Variants in PXYLP1 observed in about 807,000 individuals in gnomAD.
The protein encoded by PXYLP1 is 2-phosphoxylose phosphatase 1.
PXYLP1 carries 17 observed loss-of-function variants against 37.9 expected under a neutral mutation model. The ratio of observed to expected loss-of-function variants is 0.45; its 90% confidence interval spans 0.31 to 0.67. The LOEUF (loss-of-function observed/expected upper bound fraction) is 0.67. PXYLP1 is among the 30% of genes least tolerant of loss of function. The pLI, the probability that PXYLP1 is intolerant of heterozygous loss-of-function variation, is 0.07. For missense variants in PXYLP1, 511 were observed against 612.0 expected, an observed-to-expected ratio of 0.84 and a Z score of 1.74; for synonymous variants, 221 against 232.2, an observed-to-expected ratio of 0.95 and a Z score of 0.44.
chr3:141,234,296 G>A (rs1940607493), intron 1 of PXYLP1: 1 of 152,186 alleles, frequency 6.6e-6, no homozygotes, highest in South Asian at 2.1e-4. Context: ...AAGAAAATCA[G>A]TTGTCTTCAT....
chr3:141,291,117 C>G (rs777106089), intron 5 of PXYLP1, among the ~76,000 whole-genome samples: 1 of 152,164 alleles, frequency 6.6e-6, no homozygotes, highest in Non-Finnish European at 1.5e-5. Flanking sequence ...GTTCCCTTTC[C>G]CAGGGGAACA....
At chr3:141,280,858 G>A (rs948037806) in intron 4 of PXYLP1, among the ~76,000 whole-genome samples, 1 of 152,240 alleles carries the variant, frequency 6.6e-6, no homozygotes, top group Non-Finnish European at 1.5e-5. Flanking sequence ...CAGGCAGGGT[G>A]CAGTGAGCTG....
chr3:141,258,111 A>C (rs1022430258), intron 1 of PXYLP1, among the ~76,000 whole-genome samples: 2 of 152,058 alleles, frequency 1.3e-5, no homozygotes, highest in African/African-American at 4.8e-5. Context: ...CGCCTCCCAC[A>C]TGCAAACGCA....
At chr3:141,290,703 A>G (rs987962698) in intron 5 of PXYLP1, among the ~76,000 whole-genome samples, 1 of 152,242 alleles carries the variant, frequency 6.6e-6, no homozygotes, top group South Asian at 2.1e-4. Context: ...GTCTAAGAGC[A>G]TAAAATTAGG....
intron 1 of PXYLP1, among the ~76,000 whole-genome samples, chr3:141,257,759 G>A (rs1057330166): frequency 1.3e-5 from 2 of 151,936 alleles, no homozygotes; most frequent in African/African-American, 2.4e-5. Flanking sequence ...AAAATTAGTC[G>A]GGTGTGTGGT....
At chr3:141,285,282 G>A (rs1256330464) in intron 4 of PXYLP1, among the ~76,000 whole-genome samples, 1 of 151,206 alleles carries the variant, frequency 6.6e-6, no homozygotes, top group Non-Finnish European at 1.5e-5. Flanking sequence ...GAGTGGCTGA[G>A]ACTATAGGCC....
At chr3:141,275,796 TA>T (rs72152069) in intron 2 of PXYLP1, among the ~76,000 whole-genome samples, 19,889 of 148,568 alleles carry the variant, frequency 0.13, 1,712 homozygotes, top group African/African-American at 0.25. Context: ...ACGTTCACTG[TA>T]AAAAAAAAAA....
intron 2 of PXYLP1, among the ~76,000 whole-genome samples, chr3:141,268,164 T>C (rs1453855210): frequency 4.4e-5 from 4 of 91,260 alleles, no homozygotes; most frequent in African/African-American, 1.7e-4. Flanking sequence ...TGCGGGTGGG[T>C]GGGGGAGAGA....
At chr3:141,270,930 A>T (rs1006273191) in intron 2 of PXYLP1, among the ~76,000 whole-genome samples, 4 of 152,124 alleles carry the variant, frequency 2.6e-5, no homozygotes, top group Non-Finnish European at 5.9e-5. Context: ...TCACTCTGTC[A>T]CCCAGGCTGG....
intron 5 of PXYLP1, chr3:141,291,569 CCT>C (rs1179658400): frequency 1.3e-5 from 2 of 152,098 alleles, no homozygotes; most frequent in Non-Finnish European, 2.9e-5. Context: ...CTTATTTTTC[CCT>C]CTCTTTCTTT....
chr3:141,241,037 A>G (rs1940785139), intron 1 of PXYLP1, among the ~76,000 whole-genome samples: 3 of 152,168 alleles, frequency 2.0e-5, no homozygotes, highest in Admixed American at 6.5e-5. Context: ...GCCCCTGCCC[A>G]CTCAACCTTC....
In PXYLP1 at chr3:141,248,650, T is replaced by C. The variant is rs145534211; in HGVS notation, c.-53-11473T>C. 4.4e-3 allele frequency among the ~76,000 whole-genome samples: 340 copies of C among 77,756 alleles called. 38 individuals are homozygous for C. Among genetic ancestry groups the C allele is most frequent in the Non-Finnish European group, 5.8e-3 (256 of 44,298 alleles). The allele number at this position is 77,756 out of a possible 152,430, so 51.0% of individuals were successfully genotyped here. A position where few individuals can be genotyped will look rare whatever the true frequency, so the allele number is the denominator to read the frequency against. ...ACGTATATATACACACGTGTATATA[T>C]ACACACGTATATATACACACACGTG... On this transcript the variant is annotated intron_variant, in intron 1 of 5. Coordinates refer to ENST00000286353, the MANE Select transcript of PXYLP1 (RefSeq NM_001037172.3).
chr3:141,270,525 G>A (rs1559889935), intron 2 of PXYLP1, among the ~76,000 whole-genome samples: 1 of 152,240 alleles, frequency 6.6e-6, no homozygotes, highest in Non-Finnish European at 1.5e-5. Context: ...AGCACTAAGG[G>A]AATTGTGGGA....
chr3:141,260,092 C>T, intron 1 of PXYLP1, 31 bp from the exon 2 acceptor site: 1 of 1,523,908 alleles, frequency 6.6e-7, no homozygotes, highest in Non-Finnish European at 9.0e-7. Flanking sequence ...CACCTCTAAA[C>T]ACTCATTTAT....
intron 2 of PXYLP1, among the ~76,000 whole-genome samples, chr3:141,263,046 T>C (rs567788555): frequency 6.6e-6 from 1 of 152,242 alleles, no homozygotes; most frequent in Non-Finnish European, 1.5e-5. Flanking sequence ...TCTGAAATGA[T>C]CGTATATCTT....
At chr3:141,285,033 AG>A (rs1942038322) in intron 4 of PXYLP1, among the ~76,000 whole-genome samples, 2 of 152,314 alleles carry the variant, frequency 1.3e-5, no homozygotes, top group African/African-American at 4.8e-5. Context: ...TGGACCAGGC[AG>A]ACAAGGCCTG....
intron 1 of PXYLP1, among the ~76,000 whole-genome samples, chr3:141,253,990 C>T (rs1941202398): frequency 6.6e-6 from 1 of 151,978 alleles, no homozygotes; most frequent in Non-Finnish European, 1.5e-5. Context: ...CAGCTCACTG[C>T]AGCCTCCACC....
At chr3:141,270,404 G>A (rs1463853047) in intron 2 of PXYLP1, among the ~76,000 whole-genome samples, 1 of 152,186 alleles carries the variant, frequency 6.6e-6, no homozygotes, top group Non-Finnish European at 1.5e-5. Context: ...GATAACAACT[G>A]TGGACTCTTC....
intron 1 of PXYLP1, among the ~76,000 whole-genome samples, chr3:141,242,501 T>G (rs1007568809): frequency 6.6e-6 from 1 of 152,214 alleles, no homozygotes; most frequent in Non-Finnish European, 1.5e-5. Flanking sequence ...CTGCCTTGAT[T>G]GTGATGAATG....
Sources: allele counts gnomAD v4.1 joint callset (sites outside exome capture counted in the v4.1 genomes callset), GRCh38; gene constraint gnomAD v4.1.1; transcripts MANE v1.5; gene names NCBI Gene and HGNC (gene_info 2026-07-23, HGNC 2026-07-21).